XCR1: variants seen among roughly 807,000 people sequenced by gnomAD.
XCR1 encodes X-C motif chemokine receptor 1.
For synonymous variants in XCR1, 187 were observed against 188.5 expected (o/e 0.99, Z 0.06); for missense variants, 356 against 424.2 (o/e 0.84, Z 1.41).
chr3:46,040,378 C>T (rs1697519927), intron 5 of XCR1, among the ~76,000 whole-genome samples: 1 of 151,956 alleles, frequency 6.6e-6, no homozygotes, highest in Admixed American at 6.6e-5. Context: ...TCTTTTTGAC[C>T]TCAAACTAAC....
At chr3:46,059,283 G>A (rs1697917903) in intron 4 of XCR1, among the ~76,000 whole-genome samples, 1 of 152,164 alleles carries the variant, frequency 6.6e-6, no homozygotes, top group Non-Finnish European at 1.5e-5. Flanking sequence ...AGTTGGTTGT[G>A]CACAATATGC....
rs562927259 is a variant in XCR1, at chr3:46,060,522, G to A, written c.-183+6377C>T. Among the ~76,000 whole-genome samples the A allele has an allele frequency of 2.4e-4, 36 of 152,294 alleles. No homozygotes were observed. The South Asian group carries it at 6.2e-3, about 26-fold the overall frequency. On this transcript the variant is annotated intron_variant, in intron 4 of 5. Coordinates refer to the XCR1 transcript ENST00000683768. The stretch of plus-strand genomic sequence containing the variant: ...GCCTGTTAATTCATAGGTAAGAGGA[G>A]CCCAAAGTGGCAGGGTGGCAGTTTT...
At chr3:46,074,214 C>CTTTTTTTTTTTTT (rs35124592) in intron 3 of XCR1, among the ~76,000 whole-genome samples, 962 of 86,594 alleles carry the variant, frequency 0.011, 89 homozygotes, top group Non-Finnish European at 0.014. Context: ...TGAAGGCCAT[C>CTTTTTTTTTTTTT]TTTTTTTTTT....
intron 5 of XCR1, among the ~76,000 whole-genome samples, chr3:46,034,474 C>G (rs1335167676): frequency 6.6e-6 from 1 of 151,748 alleles, no homozygotes; most frequent in African/African-American, 2.4e-5. Context: ...ATTGCAACAG[C>G]TGGATGTTCA....
intron 3 of XCR1, among the ~76,000 whole-genome samples, chr3:46,073,923 A>G (rs1242676345): frequency 3.9e-5 from 6 of 151,916 alleles, no homozygotes. Context: ...AAAAAACCCA[A>G]CAGATACTGG....
At chr3:46,047,813 AT>A (rs1377999116) in intron 5 of XCR1, among the ~76,000 whole-genome samples, 1 of 152,146 alleles carries the variant, frequency 6.6e-6, no homozygotes, top group Non-Finnish European at 1.5e-5. Context: ...ATGATTTCTG[AT>A]TTTTGTCTTT....
chr3:46,023,800 G>A, intron 1 of XCR1: 1 of 1,540,186 alleles, frequency 6.5e-7, no homozygotes, highest in Non-Finnish European at 9.0e-7. Flanking sequence ...AACAATTATA[G>A]AGGAATAGGC....
intron 4 of XCR1, among the ~76,000 whole-genome samples, chr3:46,054,244 A>G (rs1697809249): frequency 6.6e-6 from 1 of 152,160 alleles, no homozygotes; most frequent in African/African-American, 2.4e-5. Flanking sequence ...AGAAGGGGTC[A>G]GCTGCTTGGT....
At chr3:46,045,784 C>A (rs1049140085) in intron 5 of XCR1, among the ~76,000 whole-genome samples, 3 of 152,100 alleles carry the variant, frequency 2.0e-5, no homozygotes, top group East Asian at 1.9e-4. Flanking sequence ...TAAATTAGTA[C>A]AACCTCTATA....
chr3:46,056,625 C>T (rs920287586), intron 4 of XCR1, among the ~76,000 whole-genome samples: 2 of 151,292 alleles, frequency 1.3e-5, no homozygotes, highest in African/African-American at 4.9e-5. Context: ...AGGCGCATGC[C>T]ACCACACCTG....
chr3:46,039,151 T>C (rs2125897233), intron 5 of XCR1, among the ~76,000 whole-genome samples: 1 of 149,420 alleles, frequency 6.7e-6, no homozygotes, highest in Middle Eastern at 3.4e-3. Flanking sequence ...TAGAAACCAA[T>C]CTTGGAAATG....
chr3:46,079,952 T>C (rs1267807144), intron 1 of XCR1, among the ~76,000 whole-genome samples: 1 of 152,152 alleles, frequency 6.6e-6, no homozygotes, highest in Non-Finnish European at 1.5e-5. Flanking sequence ...GATCCACACT[T>C]TAGCCAAGTC....
intron 5 of XCR1, among the ~76,000 whole-genome samples, chr3:46,038,030 G>GTTTTTTTTTTT (rs368953503): frequency 2.4e-5 from 3 of 123,232 alleles, no homozygotes; most frequent in Non-Finnish European, 3.4e-5. Context: ...TTTGTTTTTT[G>GTTTTTTTTTTT]TTTTTTTTTT....
intron 3 of XCR1, among the ~76,000 whole-genome samples, chr3:46,070,934 G>T (rs1413493449): frequency 6.6e-6 from 1 of 151,852 alleles, no homozygotes; most frequent in Admixed American, 6.6e-5. Context: ...TTGTGTAATT[G>T]TTTTATGAAA....
chr3:46,053,478 G>A (rs1171739174), intron 5 of XCR1, among the ~76,000 whole-genome samples: 8 of 152,110 alleles, frequency 5.3e-5, no homozygotes, highest in South Asian at 2.1e-4. Flanking sequence ...TCCCTCTCCT[G>A]TTTTTTATTT....
intron 4 of XCR1, among the ~76,000 whole-genome samples, chr3:46,059,951 T>G (rs1033357200): frequency 1.3e-5 from 2 of 152,214 alleles, no homozygotes; most frequent in African/African-American, 4.8e-5. Flanking sequence ...GTGATAGTAG[T>G]TCTTTCCCTA....
At position 46,017,178 on chromosome 3, in the gene XCR1, T is replaced by A. The variant is rs1039277193; in HGVS notation, c.*3768A>T. 8 of 152,156 alleles carry A rather than the reference T, an allele frequency of 5.3e-5. No homozygotes were observed. The highest frequency in any genetic ancestry group is 1.2e-4 in the Non-Finnish European group (8 of 68,030). The allele number at this position is 152,156 out of a possible 1,614,324, so 9.4% of individuals were successfully genotyped here. The stretch of plus-strand genomic sequence containing the variant: ...CTGTTATTGGCTTCTCTACAGTTTA[T>A]AGGTGAGGAAACTGAGCCTTGAGAG... On this transcript the variant is annotated 3_prime_UTR_variant, in exon 2 of 2. Coordinates refer to ENST00000309285, the MANE Select transcript of XCR1 (RefSeq NM_001024644.2).
chr3:46,052,039 C>CA (rs771023267), intron 5 of XCR1, among the ~76,000 whole-genome samples: 25 of 98,178 alleles, frequency 2.5e-4, no homozygotes, highest in Non-Finnish European at 3.9e-4. Context: ...AAAACAAAAA[C>CA]AAAAAAAAAA....
At position 46,020,992 on chromosome 3, in the gene XCR1, G is replaced by T. The variant is rs201758126; in HGVS notation, c.956C>A (p.Pro319His). The T allele has an allele frequency of 9.5e-5, 153 of 1,612,774 alleles. No homozygotes were observed. The highest frequency in any genetic ancestry group is 1.7e-6 in the Non-Finnish European group (2 of 1,179,396). ...RLQAPSPASI[P>H]HSPGAFAYEG... ...ATAGGCGAAGGCACCAGGGGAGTGG[G>T]GGATCGAGGCTGGGCTGGGTGCCTG... Residue 319 changes from proline (P) to histidine (H), a missense_variant, in exon 2 of 2, where the codon CCC becomes CAC. Transcript: ENST00000309285.
Sources: allele counts gnomAD v4.1 joint callset (sites outside exome capture counted in the v4.1 genomes callset), GRCh38; gene constraint gnomAD v4.1.1; transcripts MANE v1.5; gene names NCBI Gene and HGNC (gene_info 2026-07-23, HGNC 2026-07-21).